SEMA3D: variants seen among roughly 807,000 people sequenced by gnomAD.
SEMA3D encodes the protein semaphorin 3D, also known as semaphorin-3D.
In SEMA3D, 84 loss-of-function variants were observed where a neutral mutation model predicts 100.1. The ratio of observed to expected loss-of-function variants is 0.84; its 90% confidence interval spans 0.70 to 1.01. The LOEUF is 1.01. SEMA3D is among the 50% of genes least tolerant of loss of function. The pLI is 0.00. For synonymous variants in SEMA3D, 312 were observed against 320.7 expected (o/e 0.97, Z 0.29); for missense variants, 875 against 934.1 (o/e 0.94, Z 0.82).
intron 4 of SEMA3D, among the ~76,000 whole-genome samples, chr7:85,083,640 C>G (rs1307902486): frequency 2.7e-5 from 4 of 150,666 alleles, no homozygotes; most frequent in South Asian, 4.2e-4. Context: ...GTCAGGAGAT[C>G]GAGACCATCC....
At chr7:85,191,306 T>G (rs1168284595), upstream of SEMA3D, among the ~76,000 whole-genome samples, 1 of 152,186 alleles carries the variant, frequency 6.6e-6, no homozygotes, top group African/African-American at 2.4e-5. Flanking sequence ...TTTTTGTGTT[T>G]GATTTGTAAC....
intron 17 of SEMA3D, among the ~76,000 whole-genome samples, chr7:85,010,176 A>G (rs1261231534): frequency 6.6e-6 from 1 of 151,766 alleles, no homozygotes; most frequent in Non-Finnish European, 1.5e-5. Context: ...GCAGCAACCC[A>G]TTGATGCTTT....
the SEMA3D span, among the ~76,000 whole-genome samples, chr7:85,201,379 G>C: frequency 6.6e-6 from 1 of 152,110 alleles, no homozygotes; most frequent in Admixed American, 6.6e-5. Flanking sequence ...ACTAAGTGTG[G>C]AACTCTTTCT....
intron 2 of SEMA3D, among the ~76,000 whole-genome samples, chr7:85,132,100 G>T (rs1789739810): frequency 6.6e-6 from 1 of 151,592 alleles, no homozygotes; most frequent in Admixed American, 6.6e-5. Context: ...ATCAATTTTT[G>T]AAACTATTTT....
chr7:85,209,884 G>T, the SEMA3D span, among the ~76,000 whole-genome samples: 2 of 152,010 alleles, frequency 1.3e-5, no homozygotes, highest in African/African-American at 4.8e-5. Context: ...CACTGCAGTT[G>T]TCAGTCTTTG....
the SEMA3D span, among the ~76,000 whole-genome samples, chr7:85,213,037 T>C: frequency 1.3e-5 from 2 of 152,036 alleles, no homozygotes; most frequent in African/African-American, 4.8e-5. Context: ...TTATAAAAAG[T>C]ATATTAGAAT....
chr7:85,188,457 C>T (rs372815704), upstream of SEMA3D, among the ~76,000 whole-genome samples: 136 of 152,244 alleles, frequency 8.9e-4, 3 homozygotes, highest in Middle Eastern at 0.014. Context: ...TGTTATACCA[C>T]TCATTCTGTA....
chr7:85,150,729 C>A (rs1442299906), intron 2 of SEMA3D, among the ~76,000 whole-genome samples: 1 of 151,696 alleles, frequency 6.6e-6, no homozygotes, highest in African/African-American at 2.4e-5. Context: ...CGCAGCTTTT[C>A]TATATTTCAG....
the SEMA3D span, among the ~76,000 whole-genome samples, chr7:85,201,743 G>GTC: frequency 3.3e-5 from 5 of 151,024 alleles, no homozygotes; most frequent in African/African-American, 4.9e-5. Context: ...TTCAGAGAGG[G>GTC]TCTCTCTCTC....
At chr7:85,061,357 C>T (rs1583884047) in intron 8 of SEMA3D, among the ~76,000 whole-genome samples, 1 of 152,242 alleles carries the variant, frequency 6.6e-6, no homozygotes, top group Non-Finnish European at 1.5e-5. Flanking sequence ...TAGCTGATCT[C>T]ACTCTGGTTA....
At chr7:85,175,182 T>C (rs1352222144) in intron 1 of SEMA3D, among the ~76,000 whole-genome samples, 1 of 152,190 alleles carries the variant, frequency 6.6e-6, no homozygotes, top group Non-Finnish European at 1.5e-5. Context: ...GTGCACAGGA[T>C]ATGAAATGAC....
the SEMA3D span, among the ~76,000 whole-genome samples, chr7:85,241,467 G>GTGTGTGTATATATATATATATATATA: frequency 3.3e-5 from 3 of 92,002 alleles, no homozygotes; most frequent in Admixed American, 1.2e-4. Flanking sequence ...CTGTGTGTGT[G>GTGTGTGTATATATATATATATATATA]TATATATATA....
chr7:85,050,242 C>T (rs1331802279), intron 9 of SEMA3D: 1 of 151,904 alleles, frequency 6.6e-6, no homozygotes, highest in Non-Finnish European at 1.5e-5. Flanking sequence ...CCTATTCATT[C>T]AATTAGCATT....
intron 8 of SEMA3D, among the ~76,000 whole-genome samples, chr7:85,064,779 T>G (rs1363095429): frequency 6.6e-6 from 1 of 151,434 alleles, no homozygotes; most frequent in East Asian, 1.9e-4. Flanking sequence ...GTTCCTTGGA[T>G]TAATTAAATA....
intron 1 of SEMA3D, among the ~76,000 whole-genome samples, chr7:85,171,082 T>C (rs1233110832): frequency 1.3e-5 from 2 of 152,044 alleles, no homozygotes; most frequent in Non-Finnish European, 2.9e-5. Context: ...ATTGTAATTG[T>C]GACTCAAAAG....
intron 1 of SEMA3D, among the ~76,000 whole-genome samples, chr7:85,179,778 C>T (rs1791346381): frequency 6.6e-6 from 1 of 151,972 alleles, no homozygotes; most frequent in Non-Finnish European, 1.5e-5. Context: ...TCTCCTGCCT[C>T]AGCCTCCTGA....
chr7:85,135,966 A>G lies in SEMA3D; in HGVS notation c.-40-14035T>C, dbSNP rs574418584. 1.5e-4 allele frequency among the ~76,000 whole-genome samples: 23 copies of G among 152,190 alleles called. No individual in the cohort carries two copies. The South Asian group carries it at 4.6e-3, about 30-fold the overall frequency. On this transcript the variant is annotated intron_variant, in intron 2 of 18. Coordinates refer to ENST00000284136, the MANE Select transcript of SEMA3D (RefSeq NM_001384900.1). ...CATTAAGCATTTATCCTGTCTATAC[A>G]ATTCCCACATTTATAGAAAATTCAC...
chr7:85,212,774 A>G, the SEMA3D span, among the ~76,000 whole-genome samples: 2 of 152,038 alleles, frequency 1.3e-5, no homozygotes, highest in African/African-American at 2.4e-5. Flanking sequence ...GTGTCTTCAA[A>G]TAATGAACTA....
intron 4 of SEMA3D, among the ~76,000 whole-genome samples, chr7:85,084,100 T>C (rs896227373): frequency 6.7e-6 from 1 of 150,212 alleles, no homozygotes; most frequent in African/African-American, 2.5e-5. Flanking sequence ...TGAGAGGAGA[T>C]CGCGCCACTG....
Sources: gnomAD v4.1 joint callset for allele counts (sites outside exome capture counted in the v4.1 genomes callset) on GRCh38, gnomAD v4.1.1 for gene constraint, MANE v1.5 for transcripts, NCBI Gene and HGNC (gene_info 2026-07-23, HGNC 2026-07-21) for gene names.